MAGI1: variants seen among roughly 807,000 people sequenced by gnomAD.
MAGI1 encodes membrane-associated guanylate kinase, WW and PDZ domain-containing protein 1.
MAGI1 carries 58 observed loss-of-function variants against 139.9 expected under a neutral mutation model. That is an observed-to-expected ratio of 0.41 (90% CI 0.34 to 0.52). The LOEUF is 0.52. Ranked by LOEUF, MAGI1 falls within the 20% of genes least tolerant of loss-of-function variation. MAGI1 has a pLI of 0.12. For synonymous variants in MAGI1, 812 were observed against 737.9 expected, an observed-to-expected ratio of 1.10 and a Z score of -1.63; for missense variants, 1,874 against 1,901.6, an observed-to-expected ratio of 0.99 and a Z score of 0.27.
chr3:65,471,226 A>G (rs1442394457), intron 4 of MAGI1, among the ~76,000 whole-genome samples: 2 of 152,180 alleles, frequency 1.3e-5, no homozygotes, highest in African/African-American at 4.8e-5. Flanking sequence ...AACTAGAAAC[A>G]TCAGGGGTGA....
At chr3:65,966,522 G>A (rs2064748914) in intron 1 of MAGI1, among the ~76,000 whole-genome samples, 2 of 152,030 alleles carry the variant, frequency 1.3e-5, no homozygotes, top group Admixed American at 6.6e-5. Context: ...GGAGGCCAGG[G>A]CAGGAGGATT....
At position 65,934,067 on chromosome 3, in the gene MAGI1, G is replaced by A. The variant is rs375948428; in HGVS notation, c.313+103929C>T. Among the ~76,000 whole-genome samples, 7 of 152,228 alleles carry A rather than the reference G, an allele frequency of 4.6e-5. No homozygotes were observed. The East Asian group carries it at 1.2e-3, about 25-fold the overall frequency. Reference sequence around the variant, plus strand: ...ACTTGAACTGCGAAGGTTGCAGTGAGCTGAGATCGCGCCACTGCACTCCAG... The same window carrying A: ...ACTTGAACTGCGAAGGTTGCAGTGAACTGAGATCGCGCCACTGCACTCCAG... On this transcript the variant is annotated intron_variant, in intron 1 of 22. Transcript: ENST00000402939.
chr3:65,478,620 G>A lies in MAGI1; in HGVS notation c.729C>T (p.Asp243=), dbSNP rs146167545. ...TAAAGCTGCTGTTCATTTCAGGAAC[G>A]TCATCCTCCTCCTCATTCTCCGCGT... ...IVHAENEEED[D]VPEMNSSFTA... The change falls in exon 4 of 23, where the codon GAC becomes GAT. Residue 243 remains aspartate (D), a synonymous_variant. Coordinates refer to ENST00000402939, the MANE Select transcript of MAGI1 (RefSeq NM_001033057.2). 81 of 1,613,986 alleles carry A rather than the reference G, an allele frequency of 5.0e-5. 1 individual carries two copies. In the East Asian group the frequency reaches 1.2e-3, roughly 24 times the overall value.
At chr3:65,413,075 C>A (rs1030652888) in intron 12 of MAGI1, among the ~76,000 whole-genome samples, 2 of 99,530 alleles carry the variant, frequency 2.0e-5, no homozygotes, top group African/African-American at 1.1e-4. Flanking sequence ...AAAGCGAACA[C>A]ATGCTGATGA....
intron 12 of MAGI1, among the ~76,000 whole-genome samples, chr3:65,412,117 GCCCTCCTGGATGTGAC>G (rs1203125950): frequency 2.0e-5 from 3 of 152,156 alleles, no homozygotes; most frequent in Admixed American, 2.0e-4. Context: ...GTCCCACTAA[GCCCTCCTGGATGTGAC>G]CCCTCCTATC....
chr3:65,711,074 A>T (rs1025292564), intron 1 of MAGI1, among the ~76,000 whole-genome samples: 1 of 152,218 alleles, frequency 6.6e-6, no homozygotes, highest in African/African-American at 2.4e-5. Context: ...TCCAGTCTAC[A>T]CCTTAAACTC....
At chr3:65,398,498 C>T (rs1944584818) in intron 13 of MAGI1, among the ~76,000 whole-genome samples, 3 of 148,828 alleles carry the variant, frequency 2.0e-5, no homozygotes, top group Non-Finnish European at 3.0e-5. Flanking sequence ...GACCTCATCT[C>T]AAAAAAAAAG....
intron 7 of MAGI1, among the ~76,000 whole-genome samples, chr3:65,444,544 A>C (rs868078356): frequency 1.3e-5 from 2 of 152,158 alleles, no homozygotes; most frequent in Non-Finnish European, 2.9e-5. Flanking sequence ...GGAAATACTA[A>C]GCTTTTAAGT....
At chr3:65,816,282 C>CA (rs548772149) in intron 1 of MAGI1, among the ~76,000 whole-genome samples, 3,132 of 142,294 alleles carry the variant, frequency 0.022, 53 homozygotes, top group African/African-American at 0.039. Flanking sequence ...CAGGACTATC[C>CA]AAAAAAAAAA....
At chr3:65,594,416 C>A in intron 2 of MAGI1, among the ~76,000 whole-genome samples, 1 of 152,204 alleles carries the variant, frequency 6.6e-6, no homozygotes, top group Middle Eastern at 3.4e-3. Flanking sequence ...TCAACAAGAC[C>A]GAGGAAGCAA....
chr3:65,431,286 C>A (rs779702839), intron 10 of MAGI1, among the ~76,000 whole-genome samples: 9 of 152,148 alleles, frequency 5.9e-5, no homozygotes, highest in Non-Finnish European at 1.2e-4. Context: ...TTCTGATGTG[C>A]TGCTTTGGGC....
intron 1 of MAGI1, among the ~76,000 whole-genome samples, chr3:65,847,687 C>T (rs1341284347): frequency 6.6e-6 from 1 of 152,128 alleles, no homozygotes; most frequent in Non-Finnish European, 1.5e-5. Context: ...ATTCATTCAT[C>T]CTCTCAATCG....
chr3:65,928,497 T>C (rs2062634328), intron 1 of MAGI1, among the ~76,000 whole-genome samples: 1 of 152,188 alleles, frequency 6.6e-6, no homozygotes, highest in Non-Finnish European at 1.5e-5. Flanking sequence ...AATCAATGTA[T>C]TGCTTTTCCG....
At chr3:65,412,840 G>A (rs76551097) in intron 12 of MAGI1, among the ~76,000 whole-genome samples, 2 of 152,118 alleles carry the variant, frequency 1.3e-5, no homozygotes, top group Non-Finnish European at 2.9e-5. Context: ...CTGGTGTCCT[G>A]ACTTCCCATC....
chr3:65,816,647 A>T (rs1435162803), intron 1 of MAGI1, among the ~76,000 whole-genome samples: 1 of 152,194 alleles, frequency 6.6e-6, no homozygotes, highest in African/African-American at 2.4e-5. Flanking sequence ...GGAAAAAAAA[A>T]AAAAAAGATC....
At chr3:65,617,043 T>C (rs2083413108) in intron 2 of MAGI1, among the ~76,000 whole-genome samples, 1 of 152,224 alleles carries the variant, frequency 6.6e-6, no homozygotes, top group African/African-American at 2.4e-5. Flanking sequence ...TAAAATGCCC[T>C]TTTGAATATG....
intron 2 of MAGI1, among the ~76,000 whole-genome samples, chr3:65,576,789 C>T (rs2081198499): frequency 1.3e-5 from 2 of 152,160 alleles, no homozygotes; most frequent in Admixed American, 1.3e-4. Context: ...CACAATACCA[C>T]ATTTAGGTAT....
chr3:65,518,414 T>C (rs781188341), intron 2 of MAGI1, among the ~76,000 whole-genome samples: 3 of 152,178 alleles, frequency 2.0e-5, no homozygotes, highest in Admixed American at 6.5e-5. Context: ...CACGCAGTAA[T>C]TGCATGATTT....
At chr3:65,516,856 T>A (rs2107783382) in intron 2 of MAGI1, among the ~76,000 whole-genome samples, 1 of 147,428 alleles carries the variant, frequency 6.8e-6, no homozygotes, top group Non-Finnish European at 1.5e-5. Context: ...GCCTCCCGAG[T>A]AGCTGGGACT....
Sources: allele counts gnomAD v4.1 joint callset (sites outside exome capture counted in the v4.1 genomes callset), GRCh38; gene constraint gnomAD v4.1.1; transcripts MANE v1.5; gene names NCBI Gene and HGNC (gene_info 2026-07-23, HGNC 2026-07-21).